Variants in GPR158 observed in about 807,000 individuals in gnomAD.
The protein encoded by GPR158 is G protein-coupled receptor 158.
GPR158 carries 30 observed loss-of-function variants against 78.2 expected under a neutral mutation model. That is an observed-to-expected ratio of 0.38 (90% CI 0.29 to 0.52). GPR158 has a LOEUF of 0.52. GPR158 is among the 20% of genes least tolerant of loss of function. GPR158 has a pLI of 0.83. For missense variants in GPR158, 1,463 were observed against 1,523.5 expected, an observed-to-expected ratio of 0.96 and a Z score of 0.66; for synonymous variants, 581 against 591.1, an observed-to-expected ratio of 0.98 and a Z score of 0.25.
chr10:25,246,089 CT>C (rs1853685576), intron 2 of GPR158, among the ~76,000 whole-genome samples: 1 of 152,084 alleles, frequency 6.6e-6, no homozygotes, highest in Non-Finnish European at 1.5e-5. Flanking sequence ...AGGATCAGTC[CT>C]TTTATAAAGA....
chr10:25,593,269 C>T (rs1837364377), intron 8 of GPR158, among the ~76,000 whole-genome samples: 1 of 151,910 alleles, frequency 6.6e-6, no homozygotes, highest in African/African-American at 2.4e-5. Flanking sequence ...CAATTTTAAA[C>T]ATTAATGATC....
At chr10:25,506,909 A>G (rs929902830) in intron 5 of GPR158, among the ~76,000 whole-genome samples, 1 of 152,232 alleles carries the variant, frequency 6.6e-6, no homozygotes, top group Non-Finnish European at 1.5e-5. Flanking sequence ...TTGAGGGTCA[A>G]CCTCACAAAG....
intron 5 of GPR158, among the ~76,000 whole-genome samples, chr10:25,541,970 TATA>T (rs1836593735): frequency 6.9e-6 from 1 of 145,520 alleles, no homozygotes; most frequent in African/African-American, 2.6e-5. Flanking sequence ...TATTATATAT[TATA>T]ATTATAAATT....
chr10:25,274,136 A>AT (rs1308952550), intron 2 of GPR158, among the ~76,000 whole-genome samples: 11 of 152,064 alleles, frequency 7.2e-5, no homozygotes, highest in Non-Finnish European at 1.5e-4. Flanking sequence ...TGAAGTCATT[A>AT]TTTTTATTAA....
chr10:25,208,055 A>T (rs1352627046), intron 1 of GPR158, among the ~76,000 whole-genome samples: 1 of 152,186 alleles, frequency 6.6e-6, no homozygotes, highest in Non-Finnish European at 1.5e-5. Context: ...CGACCTAAAC[A>T]CTTGTAGGAG....
intron 1 of GPR158, among the ~76,000 whole-genome samples, chr10:25,182,446 G>A (rs111374187): frequency 3.8e-4 from 58 of 152,262 alleles, no homozygotes; most frequent in African/African-American, 1.3e-3. Flanking sequence ...TTTCAAAAAA[G>A]GGTTACATGT....
chr10:25,398,010 C>G (rs1003878010), intron 3 of GPR158, among the ~76,000 whole-genome samples: 10 of 152,142 alleles, frequency 6.6e-5, no homozygotes, highest in African/African-American at 2.4e-4. Flanking sequence ...GAACTGAGAG[C>G]AAACCCCACT....
chr10:25,360,468 T>C (rs1017827513), intron 2 of GPR158, among the ~76,000 whole-genome samples: 1 of 152,200 alleles, frequency 6.6e-6, no homozygotes, highest in African/African-American at 2.4e-5. Context: ...TTTCTGCATA[T>C]GGCTAGCCAG....
At chr10:25,229,034 CAA>C (rs767651286) in intron 2 of GPR158, among the ~76,000 whole-genome samples, 36 of 88,652 alleles carry the variant, frequency 4.1e-4, no homozygotes, top group Admixed American at 6.0e-4. Flanking sequence ...GACTCAATGT[CAA>C]AAAAAAAAAA....
At chr10:25,386,162 TC>T (rs1588839109) in intron 2 of GPR158, among the ~76,000 whole-genome samples, 1 of 152,188 alleles carries the variant, frequency 6.6e-6, no homozygotes, top group African/African-American at 2.4e-5. Context: ...CTGACTTTAT[TC>T]TTTTGCATGT....
intron 4 of GPR158, among the ~76,000 whole-genome samples, chr10:25,413,548 A>C (rs541620399): frequency 6.6e-6 from 1 of 152,170 alleles, no homozygotes; most frequent in Non-Finnish European, 1.5e-5. Context: ...AAAGTTTCCA[A>C]CCTTTTCCAA....
intron 5 of GPR158, among the ~76,000 whole-genome samples, chr10:25,467,028 T>C (rs1440750892): frequency 6.6e-6 from 1 of 152,138 alleles, no homozygotes; most frequent in East Asian, 1.9e-4. Flanking sequence ...CCTGAGAGCA[T>C]GTGCCCAGGG....
At chr10:25,366,909 CTA>C (rs1855732659) in intron 2 of GPR158, among the ~76,000 whole-genome samples, 1 of 151,634 alleles carries the variant, frequency 6.6e-6, no homozygotes. Flanking sequence ...ATTGGCATGT[CTA>C]TCTTTTTCTT....
chr10:25,526,058 A>T (rs1564479944), intron 5 of GPR158, among the ~76,000 whole-genome samples: 2 of 145,680 alleles, frequency 1.4e-5, no homozygotes, highest in Non-Finnish European at 1.5e-5. Flanking sequence ...GTGAGCCAAG[A>T]TCGTTGCCAC....
intron 5 of GPR158, among the ~76,000 whole-genome samples, chr10:25,473,857 T>C (rs1245761665): frequency 2.6e-5 from 4 of 152,164 alleles, no homozygotes; most frequent in Non-Finnish European, 5.9e-5. Flanking sequence ...AAACATGATC[T>C]CTTTCATGAT....
intron 2 of GPR158, among the ~76,000 whole-genome samples, chr10:25,258,498 A>T (rs1014171315): frequency 6.6e-6 from 1 of 152,114 alleles, no homozygotes; most frequent in African/African-American, 2.4e-5. Context: ...CTGATGTAAC[A>T]AACCCTTCCC....
intron 5 of GPR158, among the ~76,000 whole-genome samples, chr10:25,495,851 C>T (rs902898479): frequency 6.6e-6 from 1 of 152,032 alleles, no homozygotes; most frequent in Non-Finnish European, 1.5e-5. Context: ...TTTGCCTCCA[C>T]CTTAGCTTAT....
chr10:25,183,505 T>A (rs1852638604), intron 1 of GPR158, among the ~76,000 whole-genome samples: 1 of 152,166 alleles, frequency 6.6e-6, no homozygotes. Flanking sequence ...CAAACAAAAA[T>A]CCTGTTACCT....
chr10:25,207,461 A>G (rs1853058621), intron 1 of GPR158, among the ~76,000 whole-genome samples: 2 of 152,090 alleles, frequency 1.3e-5, no homozygotes, highest in Non-Finnish European at 2.9e-5. Flanking sequence ...GGGAAGGGGG[A>G]TGGTTTCAGG....
Sources: gnomAD v4.1 joint callset for allele counts (sites outside exome capture counted in the v4.1 genomes callset) on GRCh38, gnomAD v4.1.1 for gene constraint, MANE v1.5 for transcripts, NCBI Gene and HGNC (gene_info 2026-07-23, HGNC 2026-07-21) for gene names.